Variants in PLA2G5 observed in about 807,000 individuals in gnomAD.
PLA2G5 encodes phospholipase A2 group V, also known as Ca2+-dependent phospholipase A2.
PLA2G5 carries 12 observed loss-of-function variants against 15.9 expected under a neutral mutation model. That is an observed-to-expected ratio of 0.76 (90% CI 0.48 to 1.23). The LOEUF is 1.23. Ranked by LOEUF, PLA2G5 falls within the 50% of genes most tolerant of loss-of-function variation. PLA2G5 has a pLI of 0.00. For synonymous variants in PLA2G5, 71 were observed against 71.4 expected (o/e 0.99, Z 0.03); for missense variants, 169 against 177.1 (o/e 0.95, Z 0.26).
intron 1 of PLA2G5, among the ~76,000 whole-genome samples, chr1:20,052,710 A>G (rs2014235697): frequency 1.3e-5 from 2 of 152,212 alleles, no homozygotes; most frequent in African/African-American, 4.8e-5. Context: ...ATTTTTAAAA[A>G]GAAAAGGGGG....
At chr1:20,076,338 A>G (rs988020024) in intron 1 of PLA2G5, among the ~76,000 whole-genome samples, 1 of 152,142 alleles carries the variant, frequency 6.6e-6, no homozygotes, top group Admixed American at 6.5e-5. Context: ...CTCATCGGCA[A>G]TTATTGGAAC....
chr1:20,075,542 A>G (rs1289743648), intron 1 of PLA2G5, among the ~76,000 whole-genome samples: 1 of 152,218 alleles, frequency 6.6e-6, no homozygotes, highest in African/African-American at 2.4e-5. Flanking sequence ...CAGTTAAGAA[A>G]GTTGCCAGAG....
At chr1:20,071,451 G>A (rs959048953) in intron 1 of PLA2G5, among the ~76,000 whole-genome samples, 23 of 152,160 alleles carry the variant, frequency 1.5e-4, no homozygotes, top group African/African-American at 5.3e-4. Flanking sequence ...CACTGGAGAT[G>A]TCAAAGTATT....
intron 1 of PLA2G5, among the ~76,000 whole-genome samples, chr1:20,036,148 C>G (rs1167227173): frequency 6.6e-6 from 1 of 152,152 alleles, no homozygotes; most frequent in African/African-American, 2.4e-5. Flanking sequence ...TTACCTGATA[C>G]CTTTGCTTCA....
intron 2 of PLA2G5, among the ~76,000 whole-genome samples, chr1:20,062,234 T>C (rs933710934): frequency 1.4e-4 from 22 of 152,218 alleles, no homozygotes; most frequent in African/African-American, 4.3e-4. Context: ...AGTGCAAGAA[T>C]GGCCTAATAC....
chr1:20,053,808 G>A (rs1158679434), intron 1 of PLA2G5, among the ~76,000 whole-genome samples: 1 of 152,116 alleles, frequency 6.6e-6, no homozygotes, highest in Non-Finnish European at 1.5e-5. Context: ...ATCAAACAAA[G>A]TTCACAGTTT....
At chr1:20,090,183 A>G (rs1259766263) in intron 4 of PLA2G5, among the ~76,000 whole-genome samples, 3 of 152,206 alleles carry the variant, frequency 2.0e-5, no homozygotes, top group Non-Finnish European at 4.4e-5. Context: ...TGGAAGCTAG[A>G]AAGCCTGCCA....
At position 20,070,433 on chromosome 1, in the gene PLA2G5, C is replaced by A. The variant is rs899058962; in HGVS notation, c.-43C>A. The A allele has an allele frequency of 1.0e-6, 1 of 985,342 alleles. No homozygotes were observed. The highest frequency in any genetic ancestry group is 1.7e-5 in the African/African-American group (1 of 57,218). The allele number at this position is 985,342 out of a possible 1,614,324, so 61.0% of individuals were successfully genotyped here. ...AAGGAAGTTGCTCATGGGAGCAGAC[C>A]TCTAGAGCAGGATTTGAGGCCAGGC... is the stretch of plus-strand genomic sequence containing the variant. On this transcript the variant is annotated 5_prime_UTR_variant, in exon 1 of 5. Transcript: ENST00000375108.
intron 1 of PLA2G5, among the ~76,000 whole-genome samples, chr1:20,031,229 T>C (rs563768154): frequency 6.6e-6 from 1 of 152,304 alleles, no homozygotes; most frequent in African/African-American, 2.4e-5. Flanking sequence ...ACCGGGTTCG[T>C]GTGGTTAGAT....
intron 1 of PLA2G5, among the ~76,000 whole-genome samples, chr1:20,074,546 C>T (rs1422453261): frequency 6.6e-6 from 1 of 152,110 alleles, no homozygotes; most frequent in African/African-American, 2.4e-5. Context: ...TAAGTGTTTC[C>T]AACACTTAAA....
In PLA2G5 at chr1:20,087,462, C is replaced by T. The variant is rs188630138; in HGVS notation, c.185+1235C>T. ...AGGCTGGAGTGCAGTGGCGCAATCT[C>T]GGCTCACTGCAAGCTCCGCCTCCTG... On this transcript the variant is annotated intron_variant, in intron 3 of 4. Transcript: ENST00000375108. Among the ~76,000 whole-genome samples the T allele has an allele frequency of 5.7e-3, 873 of 152,072 alleles. 6 individuals are homozygous for T. Among genetic ancestry groups the T allele is most frequent in the African/African-American group, 0.014 (574 of 41,474 alleles).
At chr1:20,043,063 A>G (rs1288178875) in intron 1 of PLA2G5, among the ~76,000 whole-genome samples, 1 of 152,150 alleles carries the variant, frequency 6.6e-6, no homozygotes, top group Non-Finnish European at 1.5e-5. Context: ...GCAGCAATAC[A>G]GCCTAGGTAT....
chr1:20,055,798 T>A (rs1453299765), intron 1 of PLA2G5, among the ~76,000 whole-genome samples: 1 of 152,188 alleles, frequency 6.6e-6, no homozygotes, highest in Non-Finnish European at 1.5e-5. Flanking sequence ...TTCTTTAATC[T>A]TCATAATGTT....
chr1:20,068,350 A>G (rs762474196), upstream of PLA2G5, among the ~76,000 whole-genome samples: 1 of 152,076 alleles, frequency 6.6e-6, no homozygotes, highest in African/African-American at 2.4e-5. Flanking sequence ...TGAGAAAAAT[A>G]TTGTTAAACT....
intron 1 of PLA2G5, among the ~76,000 whole-genome samples, chr1:20,073,652 G>A (rs2015506326): frequency 2.6e-5 from 4 of 152,180 alleles, no homozygotes; most frequent in Admixed American, 2.0e-4. Context: ...GGAGGCAGAG[G>A]CAGGCAGATC....
At chr1:20,072,614 G>T (rs2015437602) in intron 1 of PLA2G5, among the ~76,000 whole-genome samples, 1 of 152,194 alleles carries the variant, frequency 6.6e-6, no homozygotes, top group Non-Finnish European at 1.5e-5. Context: ...GGCGTAGGTT[G>T]GGGGCCAAGC....
At chr1:20,067,417 G>C (rs1191239322), upstream of PLA2G5, among the ~76,000 whole-genome samples, 1 of 152,228 alleles carries the variant, frequency 6.6e-6, no homozygotes, top group Non-Finnish European at 1.5e-5. Context: ...GCCAGGTTTG[G>C]TGGCTCACGC....
At chr1:20,067,606 T>C (rs894826768), upstream of PLA2G5, among the ~76,000 whole-genome samples, 4 of 152,024 alleles carry the variant, frequency 2.6e-5, no homozygotes, top group African/African-American at 9.7e-5. Context: ...GAGAATTCCT[T>C]GAACCTGGGA....
At chr1:20,057,453 G>C (rs2014494470) in intron 1 of PLA2G5, among the ~76,000 whole-genome samples, 1 of 151,470 alleles carries the variant, frequency 6.6e-6, no homozygotes, top group Non-Finnish European at 1.5e-5. Context: ...GCTTTCTTTT[G>C]ATTAGTATTA....
Sources: gnomAD v4.1 joint callset for allele counts (sites outside exome capture counted in the v4.1 genomes callset) on GRCh38, gnomAD v4.1.1 for gene constraint, MANE v1.5 for transcripts, NCBI Gene and HGNC (gene_info 2026-07-23, HGNC 2026-07-21) for gene names.